The following COL8A1 variants were observed in gnomAD, a reference collection of about 807,000 sequenced individuals.
COL8A1 encodes collagen type VIII alpha 1 chain.
A neutral mutation model predicts 42.7 loss-of-function variants in COL8A1; 21 were observed. That is an observed-to-expected ratio of 0.49 (90% confidence interval 0.35 to 0.71). The LOEUF (loss-of-function observed/expected upper bound fraction) is 0.71, where lower values mean the gene tolerates loss of function less well. Among genes scored for constraint, COL8A1 ranks in the 30% least tolerant of loss-of-function variants. The pLI is 0.01. For synonymous variants in COL8A1, 367 were observed against 369.1 expected, an observed-to-expected ratio of 0.99 and a Z score of 0.06; for missense variants, 788 against 962.4, an observed-to-expected ratio of 0.82 and a Z score of 2.40.
At chr3:99,729,925 T>G (rs943876812) in intron 1 of COL8A1, among the ~76,000 whole-genome samples, 2 of 152,102 alleles carry the variant, frequency 1.3e-5, no homozygotes, top group African/African-American at 4.8e-5. Context: ...GTGCAGTCCC[T>G]ATGGAAACCT....
intron 2 of COL8A1, among the ~76,000 whole-genome samples, chr3:99,775,618 G>C (rs1941679698): frequency 6.6e-6 from 1 of 152,152 alleles, no homozygotes; most frequent in South Asian, 2.1e-4. Context: ...CCCAGAAACT[G>C]TGAGAGAGGC....
intron 2 of COL8A1, among the ~76,000 whole-genome samples, chr3:99,770,693 TCCATGGTGTCATC>T (rs1469574386): frequency 6.6e-6 from 1 of 152,170 alleles, no homozygotes; most frequent in African/African-American, 2.4e-5. Context: ...GTGATTAACA[TCCATGGTGTCATC>T]CATTCAATCA....
At chr3:99,742,044 T>C (rs573345198) in intron 1 of COL8A1, among the ~76,000 whole-genome samples, 1 of 152,364 alleles carries the variant, frequency 6.6e-6, no homozygotes, top group African/African-American at 2.4e-5. Flanking sequence ...CTTTCATTGC[T>C]TCATAATTCA....
At chr3:99,767,585 A>G (rs1469769443) in intron 2 of COL8A1, among the ~76,000 whole-genome samples, 1 of 152,208 alleles carries the variant, frequency 6.6e-6, no homozygotes. Flanking sequence ...GACCTGGCTC[A>G]GTCCTTGAGA....
chr3:99,737,472 TC>T (rs1220784539), intron 1 of COL8A1, among the ~76,000 whole-genome samples: 4 of 152,174 alleles, frequency 2.6e-5, no homozygotes, highest in African/African-American at 9.7e-5. Flanking sequence ...ATTTTATTTC[TC>T]CTTCACTTAT....
intron 2 of COL8A1, among the ~76,000 whole-genome samples, chr3:99,772,237 C>CAT (rs1941593433): frequency 6.6e-6 from 1 of 152,162 alleles, no homozygotes; most frequent in East Asian, 1.9e-4. Flanking sequence ...GAAAAAGCTA[C>CAT]ATACTGTATA....
rs1342641010 is a variant in COL8A1, at chr3:99,795,382, A to G, written c.1481A>G (p.Gln494Arg). Reference protein sequence around the residue: ...EPGIPGDQGLQGPPGIPGIGG... With the variant: ...EPGIPGDQGLRGPPGIPGIGG... ...GGAATCCCAGGGGATCAGGGTTTAC[A>G]GGGCCCCCCAGGTATCCCAGGGATT... The change falls in exon 4 of 4, where the codon CAG becomes CGG. Residue 494 changes from glutamine to arginine, a missense_variant. Gln to Arg is a conservative substitution (Grantham distance 43). This residue lies in a region of COL8A1 where 154 missense variants were observed against 182.3 expected (regional missense o/e 0.84). Coordinates refer to ENST00000652472, the MANE Select transcript of COL8A1 (RefSeq NM_020351.4). The G allele has an allele frequency of 3.2e-6, 5 of 1,565,468 alleles. No individual in the cohort carries two copies. The South Asian group carries it at 5.8e-5, about 18-fold the overall frequency.
chr3:99,676,941 G>C (rs1024979742), intron 1 of COL8A1, among the ~76,000 whole-genome samples: 8 of 151,680 alleles, frequency 5.3e-5, no homozygotes, highest in African/African-American at 1.9e-4. Flanking sequence ...TTTTATGCTG[G>C]GTGCAGTGGC....
chr3:99,684,709 T>C (rs1260867755), intron 1 of COL8A1, among the ~76,000 whole-genome samples: 2 of 152,214 alleles, frequency 1.3e-5, no homozygotes, highest in East Asian at 1.9e-4. Flanking sequence ...ATGTCTGAAT[T>C]TGGCTCCTTG....
chr3:99,758,077 C>G (rs1296178961), intron 2 of COL8A1, among the ~76,000 whole-genome samples: 2 of 152,118 alleles, frequency 1.3e-5, no homozygotes, highest in Non-Finnish European at 2.9e-5. Flanking sequence ...TAGAACATTA[C>G]AGAGAGATAA....
intron 1 of COL8A1, among the ~76,000 whole-genome samples, chr3:99,640,167 A>G (rs1053061745): frequency 3.3e-5 from 5 of 152,244 alleles, no homozygotes; most frequent in African/African-American, 9.6e-5. Flanking sequence ...ATTGGAAAAA[A>G]ATATTGCAAG....
At chr3:99,702,309 A>G (rs1169128195) in intron 1 of COL8A1, among the ~76,000 whole-genome samples, 2 of 152,234 alleles carry the variant, frequency 1.3e-5, no homozygotes, top group Non-Finnish European at 2.9e-5. Flanking sequence ...AAAAAGGAGA[A>G]AAGTGCAGAA....
Position 99,790,842 on chromosome 3 carries a change from C to G in COL8A1, c.160C>G (p.Leu54Val), listed in dbSNP as rs1941986856. 1 of 1,614,152 alleles carries G rather than the reference C, an allele frequency of 6.2e-7. No homozygotes were observed. The highest frequency in any genetic ancestry group is 8.5e-7 in the Non-Finnish European group (1 of 1,180,068). The change falls in exon 3 of 4, where the codon CTG becomes GTG. Residue 54 changes from leucine to valine, a missense_variant. By Grantham distance (32) the Leu-to-Val change is conservative (BLOSUM62 1). Around this residue, in one of 4 missense-constraint regions of COL8A1, gnomAD observed 421 missense variants for 553.1 expected, o/e 0.76. Transcript: ENST00000652472. ...ACCACAAATTCCACAATACCAGCCC[C>G]TGGGTCAGCAAGTACCTCACATGCC... ...MPPQIPQYQP[L>V]GQQVPHMPLA...
intron 1 of COL8A1, among the ~76,000 whole-genome samples, chr3:99,717,663 A>C (rs1940036522): frequency 6.6e-6 from 1 of 152,026 alleles, no homozygotes; most frequent in Non-Finnish European, 1.5e-5. Context: ...GTAATGAGCT[A>C]ACATCAGACT....
At chr3:99,671,929 A>G (rs1938558214) in intron 1 of COL8A1, among the ~76,000 whole-genome samples, 1 of 152,088 alleles carries the variant, frequency 6.6e-6, no homozygotes, top group African/African-American at 2.4e-5. Flanking sequence ...TGAGAAAAGC[A>G]AGTATTCAAT....
At chr3:99,726,173 G>A (rs1264692988) in intron 1 of COL8A1, among the ~76,000 whole-genome samples, 1 of 152,172 alleles carries the variant, frequency 6.6e-6, no homozygotes, top group African/African-American at 2.4e-5. Flanking sequence ...CAGTGATGAT[G>A]AGTACTTTTT....
chr3:99,750,630 G>A (rs569304785), intron 2 of COL8A1, among the ~76,000 whole-genome samples: 14 of 152,204 alleles, frequency 9.2e-5, no homozygotes, highest in African/African-American at 2.6e-4. Context: ...AATAATAAAT[G>A]TAATAGGTTC....
rs1237266330 is a variant in COL8A1, at chr3:99,794,838, C to T, written c.937C>T (p.Pro313Ser). The T allele has an allele frequency of 6.2e-7, 1 of 1,612,148 alleles. No individual in the cohort carries two copies. Among genetic ancestry groups the T allele is most frequent in the African/African-American group, 1.3e-5 (1 of 74,798 alleles). ...GGGGGTTCAAGGACCTCCTGGGATA[C>T]CCGGAATTGGAAAGCCAGGCCAGGA... ...VPGVQGPPGI[P>S]GIGKPGQDGI... Residue 313 changes from proline (P) to serine (S), a missense_variant, in exon 4 of 4, where the codon CCC becomes TCC. Pro to Ser is a moderately conservative substitution (Grantham distance 74, BLOSUM62 -1). Around this residue, in one of 4 missense-constraint regions of COL8A1, gnomAD observed 421 missense variants for 553.1 expected, o/e 0.76. Coordinates refer to ENST00000652472, the MANE Select transcript of COL8A1 (RefSeq NM_020351.4). This position sits in a 1 kb window ranked among gnomAD's most constrained non-coding sequence, Gnocchi z 4.3.
At chr3:99,714,018 C>G (rs1291669757) in intron 1 of COL8A1, among the ~76,000 whole-genome samples, 1 of 152,026 alleles carries the variant, frequency 6.6e-6, no homozygotes. Flanking sequence ...ACTTAAAAAT[C>G]AAGGCAAATG....
Sources: allele counts gnomAD v4.1 joint callset (sites outside exome capture counted in the v4.1 genomes callset), GRCh38; gene constraint gnomAD v4.1.1; regional missense constraint gnomAD v4.1.1; non-coding constraint Gnocchi (gnomAD v3.1); transcripts MANE v1.5; gene names NCBI Gene and HGNC (gene_info 2026-07-23, HGNC 2026-07-21).